Variants in IFI16 observed in about 807,000 individuals in gnomAD.
IFI16 encodes the protein gamma-interferon-inducible protein 16.
A neutral mutation model predicts 68.4 loss-of-function variants in IFI16; 49 were observed. The observed-to-expected ratio is 0.72, with a 90% CI of 0.57 to 0.91. The LOEUF (loss-of-function observed/expected upper bound fraction) is 0.91. Among genes scored for constraint, IFI16 ranks in the 40% least tolerant of loss-of-function variants. IFI16 has a pLI of 0.00. For synonymous variants in IFI16, 307 were observed against 315.0 expected (o/e 0.97, Z 0.27); for missense variants, 878 against 942.9 (o/e 0.93, Z 0.90).
rs757552941 is a variant in IFI16 at position 159,020,326 on chromosome 1, A to G, written c.973-15A>G. 3.8e-6 allele frequency: 6 copies of G among 1,572,460 alleles called. No individual in the cohort carries two copies. The highest frequency in any genetic ancestry group is 1.7e-4 in the Middle Eastern group (1 of 5,976). On this transcript the variant is annotated splice_polypyrimidine_tract_variant and intron_variant, in intron 5 of 11. Coordinates refer to ENST00000295809, the MANE Select transcript of IFI16 (RefSeq NM_001376587.1). The stretch of plus-strand genomic sequence containing the variant: ...ATTACATTCTCAGGAACAGAATATT[A>G]ATTTTCTGTTACAGAAAACAGTAAA...
At chr1:159,012,751 A>G (rs1219200321) in intron 1 of IFI16, among the ~76,000 whole-genome samples, 2 of 152,182 alleles carry the variant, frequency 1.3e-5, no homozygotes, top group Non-Finnish European at 2.9e-5. Context: ...GTCCTGTACC[A>G]ATTAGGCGGG....
At chr1:159,054,650 C>T (rs1399196343) in intron 11 of IFI16, among the ~76,000 whole-genome samples, 171 bp from the exon 12 acceptor site, 1 of 151,904 alleles carries the variant, frequency 6.6e-6, no homozygotes, top group Non-Finnish European at 1.5e-5. Flanking sequence ...AGGCATGACT[C>T]AAAGGTCAAG....
upstream of IFI16, among the ~76,000 whole-genome samples, chr1:159,003,284 ATTAG>A (rs1182058604): frequency 2.0e-5 from 3 of 152,198 alleles, no homozygotes; most frequent in Non-Finnish European, 4.4e-5. Flanking sequence ...TGTTTCTGCT[ATTAG>A]TTATTTTTTC....
chr1:159,016,010 G>A (rs1425548437), intron 3 of IFI16, 23 bp downstream of exon 3: 1 of 1,503,404 alleles, frequency 6.7e-7, no homozygotes, highest in Non-Finnish European at 9.3e-7. Context: ...AAGAGGAGCA[G>A]GCTTCAAGTC....
intron 7 of IFI16, among the ~76,000 whole-genome samples, chr1:159,044,377 T>A (rs530253037): frequency 2.0e-5 from 3 of 152,184 alleles, no homozygotes; most frequent in African/African-American, 7.2e-5. Flanking sequence ...TTAAACAATT[T>A]TGAAAATACA....
intron 5 of IFI16, among the ~76,000 whole-genome samples, chr1:159,019,626 A>T (rs856048): frequency 0.99 from 150,166 of 152,230 alleles, 74,092 homozygotes; most frequent in Middle Eastern, 1. Flanking sequence ...GCCTGGCTAA[A>T]TTTTTTGTAT....
Position 159,032,633 on chromosome 1 carries a change from G to A in IFI16, c.1271G>A (p.Ser424Asn), listed in dbSNP as rs1250562678. 1.2e-6 allele frequency: 2 copies of A among 1,612,492 alleles called. No individual in the cohort carries two copies. Among genetic ancestry groups the A allele is most frequent in the South Asian group, 2.2e-5 (2 of 90,862 alleles). ...GAGGCCAGCACAACCTTCCCTGAGAGCCATCTTCGGACTCCTCAGATGCCA... is the reference window on the plus strand; with the variant it reads ...GAGGCCAGCACAACCTTCCCTGAGAACCATCTTCGGACTCCTCAGATGCCA... ...PSEASTTFPESHLRTPQMPPT... is the reference protein window; with the variant it reads ...PSEASTTFPENHLRTPQMPPT... The change falls in exon 7 of 12, where the codon AGC (serine) becomes AAC (asparagine). Residue 424 changes from serine (S) to asparagine (N), a missense_variant. Around this residue, in one of 4 missense-constraint regions of IFI16, gnomAD observed 443 missense variants for 421.8 expected, o/e 1.05. Coordinates refer to ENST00000295809, the MANE Select transcript of IFI16 (RefSeq NM_001376587.1).
chr1:159,011,116 T>C (rs748932353), intron 1 of IFI16, among the ~76,000 whole-genome samples: 5 of 151,146 alleles, frequency 3.3e-5, no homozygotes, highest in African/African-American at 4.9e-5. Flanking sequence ...GCACAGAGGT[T>C]CATGCCTGTA....
chr1:159,027,455 A>G (rs549968477), intron 6 of IFI16, among the ~76,000 whole-genome samples: 59 of 152,164 alleles, frequency 3.9e-4, no homozygotes, highest in Admixed American at 9.2e-4. Flanking sequence ...TTTTGCATCT[A>G]TGTTCATCAG....
In IFI16 at chr1:159,053,737, T is replaced by C; in HGVS notation, c.2277+13T>C. The C allele has an allele frequency of 2.5e-6, 4 of 1,598,244 alleles. No individual in the cohort carries two copies. Among genetic ancestry groups the C allele is most frequent in the Non-Finnish European group, 3.4e-6 (4 of 1,167,070 alleles). On this transcript the variant is annotated intron_variant, in intron 11 of 11. Coordinates refer to ENST00000295809, the MANE Select transcript of IFI16 (RefSeq NM_001376587.1). ...TAGTCACATCAAGGTTGGAACTTTA[T>C]AGGAACATCATTTTTCCAAGTGGCG... is the stretch of plus-strand genomic sequence containing the variant.
chr1:159,041,857 A>T (rs761955110), intron 7 of IFI16, among the ~76,000 whole-genome samples: 2 of 152,142 alleles, frequency 1.3e-5, no homozygotes, highest in Non-Finnish European at 2.9e-5. Context: ...GCCCATACCT[A>T]CTCGTTAATA....
intron 6 of IFI16, among the ~76,000 whole-genome samples, chr1:159,025,749 G>A (rs1653628937): frequency 6.6e-6 from 1 of 152,180 alleles, no homozygotes; most frequent in African/African-American, 2.4e-5. Flanking sequence ...CTCTGCCTAA[G>A]CCACTCTCTA....
At chr1:159,002,003 A>T (rs1652077768), upstream of IFI16, among the ~76,000 whole-genome samples, 1 of 152,210 alleles carries the variant, frequency 6.6e-6, no homozygotes, top group Admixed American at 6.5e-5. Context: ...TTTCACATGA[A>T]GCCTGGAAGA....
upstream of IFI16, among the ~76,000 whole-genome samples, chr1:159,008,099 A>T (rs1351585331): frequency 6.6e-6 from 1 of 152,204 alleles, no homozygotes; most frequent in Non-Finnish European, 1.5e-5. Flanking sequence ...AGTATGGAAA[A>T]TGAGGCCAGA....
upstream of IFI16, among the ~76,000 whole-genome samples, chr1:159,005,246 A>G (rs1263684741): frequency 6.6e-6 from 1 of 152,248 alleles, no homozygotes; most frequent in East Asian, 1.9e-4. Context: ...ATAGTATTCC[A>G]TTACAGCAGC....
intron 7 of IFI16, among the ~76,000 whole-genome samples, chr1:159,040,775 T>C (rs1295890978): frequency 1.3e-5 from 2 of 152,216 alleles, no homozygotes; most frequent in Non-Finnish European, 2.9e-5. Context: ...TCTAAACTTA[T>C]TAGCTATGTA....
intron 9 of IFI16, among the ~76,000 whole-genome samples, 184 bp downstream of exon 9, chr1:159,049,783 ATC>A (rs1655228186): frequency 6.6e-6 from 1 of 152,230 alleles, no homozygotes; most frequent in Non-Finnish European, 1.5e-5. Context: ...TGTTTTTATC[ATC>A]TCTATTCCAT....
chr1:159,014,245 A>C (rs1652776948), intron 1 of IFI16, among the ~76,000 whole-genome samples: 1 of 152,212 alleles, frequency 6.6e-6, no homozygotes, highest in African/African-American at 2.4e-5. Context: ...GGGAGGCTGC[A>C]GCCCATTTAC....
At chr1:159,020,009 G>A (rs1455816847) in intron 5 of IFI16, among the ~76,000 whole-genome samples, 1 of 152,140 alleles carries the variant, frequency 6.6e-6, no homozygotes, top group Non-Finnish European at 1.5e-5. Flanking sequence ...TTTGCATGGG[G>A]CCAGAGACCC....
Sources: gnomAD v4.1 joint callset for allele counts (sites outside exome capture counted in the v4.1 genomes callset) on GRCh38, gnomAD v4.1.1 for gene constraint, gnomAD v4.1.1 regional missense constraint, MANE v1.5 for transcripts, NCBI Gene and HGNC (gene_info 2026-07-23, HGNC 2026-07-21) for gene names.